ACOT11: variants seen among roughly 807,000 people sequenced by gnomAD.
ACOT11 encodes acyl-coenzyme A thioesterase 11.
A neutral mutation model predicts 77.5 loss-of-function variants in ACOT11; 69 were observed. That is an observed-to-expected ratio of 0.89 (90% CI 0.73 to 1.09). The LOEUF is 1.09. Among genes scored for constraint, ACOT11 ranks in the 50% least tolerant of loss-of-function variants. The pLI is 0.00. For missense variants in ACOT11, 766 were observed against 813.7 expected, an observed-to-expected ratio of 0.94 and a Z score of 0.71; for synonymous variants, 279 against 313.0, an observed-to-expected ratio of 0.89 and a Z score of 1.15.
intron 7 of ACOT11, 31 bp from the exon 8 acceptor site, chr1:54,599,265 T>C (rs1355651323): frequency 1.4e-6 from 2 of 1,390,412 alleles, no homozygotes; most frequent in South Asian, 1.5e-5. Context: ...CCAGGGGCAT[T>C]CCTTCTGTCT....
chr1:54,612,523 A>C, downstream of ACOT11: 1 of 1,614,016 alleles, frequency 6.2e-7, no homozygotes, highest in Middle Eastern at 1.6e-4. Flanking sequence ...AAGTGGGGCC[A>C]GGCAGCCCGC....
rs1654440923 is a variant in ACOT11, at chr1:54,584,820, G to A, written c.199G>A (p.Gly67Arg). Residue 67 changes from glycine (G) to arginine (R), a missense_variant, in exon 2 of 16, where the codon GGG becomes AGG. Coordinates refer to ENST00000343744, the MANE Select transcript of ACOT11 (RefSeq NM_147161.4). This position sits in a 1 kb window ranked among gnomAD's most constrained non-coding sequence, Gnocchi z 6.3. ...HTNQRGELSVGQLLKWIDTTA... is the reference protein window; with the variant it reads ...HTNQRGELSVRQLLKWIDTTA... ...CAACCAACGTGGTGAGCTGAGCGTC[G>A]GGCAGCTGCTCAAGTGGATTGACAC... 6.2e-7 allele frequency: 1 copy of A among 1,614,018 alleles called. No homozygotes were observed. Among genetic ancestry groups the A allele is most frequent in the Non-Finnish European group, 8.5e-7 (1 of 1,180,012 alleles).
intron 1 of ACOT11, among the ~76,000 whole-genome samples, chr1:54,577,064 A>G (rs1654141428): frequency 6.6e-6 from 1 of 152,202 alleles, no homozygotes; most frequent in Non-Finnish European, 1.5e-5. Context: ...TTCACATCTT[A>G]TTTAATTTAA....
At position 54,553,046 on chromosome 1, in the gene ACOT11, C is replaced by T. The variant is rs1341038485; in HGVS notation, c.33+4704C>T. ...TTCTCCATGTTGGTCAGGCTGGTCT[C>T]GAACTTCCGACCTCAGGTGAGCCAC... is the stretch of plus-strand genomic sequence containing the variant. On this transcript the variant is annotated intron_variant, in intron 1 of 15. Transcript: ENST00000343744. Among the ~76,000 whole-genome samples, 5 of 143,356 alleles carry T rather than the reference C, an allele frequency of 3.5e-5. No homozygotes were observed. In the South Asian group the frequency reaches 9.5e-4, roughly 27 times the overall value. 94.0% of individuals were successfully genotyped at this position (143,356 alleles called of 152,430 possible).
At chr1:54,595,937 G>T (rs572723755) in intron 6 of ACOT11, among the ~76,000 whole-genome samples, 10 of 152,332 alleles carry the variant, frequency 6.6e-5, no homozygotes, top group African/African-American at 2.4e-4. Flanking sequence ...CTCAAGCTAT[G>T]CCCTGAGTTC....
chr1:54,618,979 C>G (rs1403736363), intron 15 of ACOT11, among the ~76,000 whole-genome samples: 3 of 152,156 alleles, frequency 2.0e-5, no homozygotes, highest in African/African-American at 7.2e-5. Flanking sequence ...ATTTCTGTTG[C>G]TTCAGCGTAA....
intron 10 of ACOT11, among the ~76,000 whole-genome samples, chr1:54,603,149 C>T (rs1197486137): frequency 1.3e-5 from 2 of 152,194 alleles, no homozygotes; most frequent in Admixed American, 6.5e-5. Context: ...CTAGCCTGGC[C>T]AACATGGCAA....
At position 54,577,919 on chromosome 1, in the gene ACOT11, A is replaced by G. The variant is rs76751154; in HGVS notation, c.34-6736A>G. Among the ~76,000 whole-genome samples the G allele has an allele frequency of 7.2e-3, 1,095 of 152,292 alleles. 12 individuals are homozygous for G. The highest frequency in any genetic ancestry group is 0.025 in the African/African-American group (1,038 of 41,568). ...TCCTCCTTCCAAGTTTTTCAGTACC[A>G]AAAAGCCCTGTGTACTGGCTTTTCT... On this transcript the variant is annotated intron_variant, in intron 1 of 15. Transcript: ENST00000343744.
Position 54,610,327 on chromosome 1 carries a change from C to T in ACOT11, c.*1215C>T, listed in dbSNP as rs905488302. Reference sequence around the variant, plus strand: ...TGTAAATAAACCTGTGTTGCCATGGCAACAGAGACCGGCGGTACCTGCCCC... The same window carrying T: ...TGTAAATAAACCTGTGTTGCCATGGTAACAGAGACCGGCGGTACCTGCCCC... On this transcript the variant is annotated 3_prime_UTR_variant, in exon 16 of 16. Transcript: ENST00000343744. 6 of 1,556,638 alleles carry T rather than the reference C, an allele frequency of 3.9e-6. No homozygotes were observed. In the African/African-American group the frequency reaches 6.8e-5, roughly 18 times the overall value.
At chr1:54,613,864 GA>G (rs1341057464), downstream of ACOT11, among the ~76,000 whole-genome samples, 1 of 152,218 alleles carries the variant, frequency 6.6e-6, no homozygotes, top group Non-Finnish European at 1.5e-5. Flanking sequence ...GGATGGGAAA[GA>G]GCCTGGAGCT....
At chr1:54,614,786 T>G, downstream of ACOT11, 1 of 1,614,140 alleles carries the variant, frequency 6.2e-7, no homozygotes, top group Non-Finnish European at 8.5e-7. Flanking sequence ...GGACTTTGCC[T>G]TCCTCTGTCA....
chr1:54,598,081 C>G (rs1643911853), intron 7 of ACOT11: 1 of 152,774 alleles, frequency 6.5e-6, no homozygotes, highest in South Asian at 2.1e-4. Flanking sequence ...CCTTTCCAGC[C>G]AGGTGGATTC....
chr1:54,585,748 G>T, intron 2 of ACOT11, 87 bp from the exon 3 acceptor site: 1 of 1,419,264 alleles, frequency 7.0e-7, no homozygotes, highest in South Asian at 1.2e-5. Flanking sequence ...TGGGCGGCTG[G>T]AGAAGCCTCC....
intron 15 of ACOT11, chr1:54,623,629 A>C: frequency 2.1e-6 from 1 of 483,812 alleles, no homozygotes; most frequent in Non-Finnish European, 3.6e-6. Context: ...CAGGCTAACC[A>C]GAATATCTAC....
At chr1:54,568,860 C>T (rs941161845) in intron 1 of ACOT11, among the ~76,000 whole-genome samples, 2 of 152,132 alleles carry the variant, frequency 1.3e-5, no homozygotes, top group Non-Finnish European at 2.9e-5. Context: ...GATCCTCCCA[C>T]CTCAGCCTTC....
intron 1 of ACOT11, among the ~76,000 whole-genome samples, chr1:54,566,128 T>A (rs1326104678): frequency 6.6e-6 from 1 of 152,114 alleles, no homozygotes; most frequent in Non-Finnish European, 1.5e-5. Context: ...CGCAGACTCC[T>A]TTGCAGATTC....
rs993373700 is a variant in ACOT11 at position 54,555,426 on chromosome 1, T to A, written c.33+7084T>A. ...GCCTATTCAGGTCTTTTGCCCATTT[T>A]AATTTTTTTTTCTATTGAGTTGTTT... is the stretch of plus-strand genomic sequence containing the variant. On this transcript the variant is annotated intron_variant, in intron 1 of 15. Coordinates refer to ENST00000343744, the MANE Select transcript of ACOT11 (RefSeq NM_147161.4). Among the ~76,000 whole-genome samples the A allele has an allele frequency of 5.3e-5, 8 of 152,220 alleles. 1 individual carries two copies. Among genetic ancestry groups the A allele is most frequent in the African/African-American group, 1.7e-4 (7 of 41,466 alleles).
chr1:54,577,048 T>C (rs573327797), intron 1 of ACOT11, among the ~76,000 whole-genome samples: 6 of 152,340 alleles, frequency 3.9e-5, no homozygotes, highest in South Asian at 4.1e-4. Flanking sequence ...AAAATATAGC[T>C]GGCATTTCAC....
intron 1 of ACOT11, among the ~76,000 whole-genome samples, chr1:54,562,946 C>T (rs1293079961): frequency 6.9e-6 from 1 of 144,528 alleles, no homozygotes; most frequent in African/African-American, 2.6e-5. Flanking sequence ...CAGAGGGGCT[C>T]CTCACATCCC....
Sources: gnomAD v4.1 joint callset for allele counts (sites outside exome capture counted in the v4.1 genomes callset) on GRCh38, gnomAD v4.1.1 for gene constraint, Gnocchi (gnomAD v3.1) non-coding constraint, MANE v1.5 for transcripts, NCBI Gene and HGNC (gene_info 2026-07-23, HGNC 2026-07-21) for gene names.